Variants in C18orf63 observed in about 807,000 individuals in gnomAD.
C18orf63 encodes the protein chromosome 18 open reading frame 63.
A neutral mutation model predicts 75.3 loss-of-function variants in C18orf63; 50 were observed. That is an observed-to-expected ratio of 0.66 (90% CI 0.53 to 0.84). The LOEUF is 0.84. Ranked by LOEUF, C18orf63 falls within the 40% of genes least tolerant of loss-of-function variation. The pLI is 0.00. For synonymous variants in C18orf63, 232 were observed against 267.6 expected (o/e 0.87, Z 1.30); for missense variants, 732 against 800.2 (o/e 0.91, Z 1.03).
chr18:74,347,746 A>G (rs1337757820), intron 11 of C18orf63, among the ~76,000 whole-genome samples: 3 of 152,258 alleles, frequency 2.0e-5, no homozygotes, highest in Non-Finnish European at 2.9e-5. Context: ...ACTACTTGAT[A>G]AAACTCAGCC....
intron 6 of C18orf63, among the ~76,000 whole-genome samples, chr18:74,329,851 T>C (rs1984274005): frequency 6.6e-6 from 1 of 152,216 alleles, no homozygotes; most frequent in African/African-American, 2.4e-5. Context: ...AGTCCAGAGA[T>C]AGCAGATAGA....
intron 11 of C18orf63, among the ~76,000 whole-genome samples, chr18:74,345,296 C>T (rs114485709): frequency 0.012 from 1,848 of 151,828 alleles, 19 homozygotes; most frequent in South Asian, 0.048. Flanking sequence ...ATCAGTTATA[C>T]ATAATTATCT....
At chr18:74,329,996 G>C (rs1349349294) in intron 6 of C18orf63, among the ~76,000 whole-genome samples, 1 of 152,148 alleles carries the variant, frequency 6.6e-6, no homozygotes, top group Non-Finnish European at 1.5e-5. Context: ...GCTGAAGCCT[G>C]TTTGCTCTCC....
At chr18:74,325,120 T>G (rs1025377534) in intron 4 of C18orf63, among the ~76,000 whole-genome samples, 1 of 152,192 alleles carries the variant, frequency 6.6e-6, no homozygotes, top group African/African-American at 2.4e-5. Flanking sequence ...TTCTAGTTTC[T>G]TATTGTGGAA....
At position 74,353,449 on chromosome 18, in the gene C18orf63, T is replaced by A. The variant is rs1232054922; in HGVS notation, c.1182T>A (p.Gly394=). 6 of 1,536,174 alleles carry A rather than the reference T, an allele frequency of 3.9e-6. No individual in the cohort carries two copies. In the African/African-American group the frequency reaches 8.2e-5, roughly 21 times the overall value. The change falls in exon 12 of 14, where the codon GGT becomes GGA. Residue 394 remains glycine, a synonymous_variant. Transcript: ENST00000579455. ...ATCTCCAGCCAGAGTCTGTTCAGGG[T>A]AGAAAGAAATCCCTGTCTATCAGGG... ...ALHLQPESVQ[G]RKKSLSIRAP... is the part of the protein sequence containing the mutation.
At position 74,333,254 on chromosome 18, in the gene C18orf63, G is replaced by A. The variant is rs189600672; in HGVS notation, c.501+2312G>A. ...GCCTCCCTTGGGAGACCAGGCACTC[G>A]TTCTGATATGACAAACAGAATGCAG... On this transcript the variant is annotated intron_variant, in intron 7 of 13. Transcript: ENST00000579455. 4.5e-3 allele frequency among the ~76,000 whole-genome samples: 679 copies of A among 152,230 alleles called. 2 individuals carry two copies. In the South Asian group the frequency reaches 0.047, roughly 11 times the overall value.
intron 7 of C18orf63, among the ~76,000 whole-genome samples, 166 bp from the exon 8 acceptor site, chr18:74,338,549 C>T (rs1312471459): frequency 1.3e-5 from 2 of 152,078 alleles, no homozygotes; most frequent in Non-Finnish European, 2.9e-5. Context: ...GGGTGAGCTG[C>T]AACTTTGACT....
chr18:74,329,373 CAAAAAAAAAAAA>C (rs5826314), intron 6 of C18orf63, among the ~76,000 whole-genome samples: 2 of 94,314 alleles, frequency 2.1e-5, no homozygotes, highest in Non-Finnish European at 4.4e-5. Flanking sequence ...GACCCTATTT[CAAAAAAAAAAAA>C]AAAAAAAAAA....
intron 4 of C18orf63, among the ~76,000 whole-genome samples, chr18:74,324,137 A>G (rs1984169371): frequency 6.6e-6 from 1 of 152,250 alleles, no homozygotes; most frequent in African/African-American, 2.4e-5. Flanking sequence ...CAGATGCACT[A>G]CAGTAAATGA....
intron 3 of C18orf63, among the ~76,000 whole-genome samples, chr18:74,321,258 G>A (rs1244233209): frequency 6.6e-6 from 1 of 151,784 alleles, no homozygotes; most frequent in Non-Finnish European, 1.5e-5. Flanking sequence ...CTAGGTCTTG[G>A]TTATATGTCC....
intron 6 of C18orf63, among the ~76,000 whole-genome samples, chr18:74,329,373 C>CAAAA (rs5826314): frequency 3.2e-5 from 3 of 94,312 alleles, no homozygotes; most frequent in African/African-American, 1.1e-4. Flanking sequence ...GACCCTATTT[C>CAAAA]AAAAAAAAAA....
At chr18:74,352,578 A>C (rs375783489) in intron 11 of C18orf63, among the ~76,000 whole-genome samples, 1 of 152,172 alleles carries the variant, frequency 6.6e-6, no homozygotes, top group East Asian at 1.9e-4. Context: ...TAAGACACAG[A>C]TAGCGCCTTC....
chr18:74,331,784 C>T (rs936943414), intron 7 of C18orf63, among the ~76,000 whole-genome samples: 1 of 152,158 alleles, frequency 6.6e-6, no homozygotes, highest in Non-Finnish European at 1.5e-5. Flanking sequence ...ATTGGCTATA[C>T]GTGTCCTGCT....
At position 74,353,357 on chromosome 18, in the gene C18orf63, G is replaced by C. The variant is rs1180068878; in HGVS notation, c.1090G>C (p.Val364Leu). Residue 364 changes from valine (V) to leucine (L), a missense_variant, in exon 12 of 14, where the codon GTA becomes CTA. By Grantham distance (32) the Val-to-Leu change is conservative. Coordinates refer to ENST00000579455, the MANE Select transcript of C18orf63 (RefSeq NM_001174123.2). ...TGCTCAAAGTCTTCTACCATGTTCA[G>C]TAGCAGTGGACCACAAGGTGGAGCT... is the stretch of plus-strand genomic sequence containing the variant. ...ACAQSLLPCS[V>L]AVDHKVELSV... The C allele has an allele frequency of 2.0e-6, 3 of 1,536,340 alleles. No individual in the cohort carries two copies. The highest frequency in any genetic ancestry group is 2.0e-5 in the Admixed American group (1 of 50,978).
At chr18:74,341,572 G>A (rs969524952) in intron 8 of C18orf63, among the ~76,000 whole-genome samples, 3 of 151,852 alleles carry the variant, frequency 2.0e-5, no homozygotes, top group Admixed American at 6.6e-5. Context: ...CCCAGCTGGC[G>A]GCTAAGGCAG....
intron 8 of C18orf63, among the ~76,000 whole-genome samples, chr18:74,340,439 A>C (rs1381566460): frequency 6.6e-6 from 1 of 152,232 alleles, no homozygotes; most frequent in Non-Finnish European, 1.5e-5. Flanking sequence ...CATGGAAAAC[A>C]CTATGGAGGT....
chr18:74,347,277 G>C (rs1984590200), intron 11 of C18orf63, among the ~76,000 whole-genome samples: 1 of 152,218 alleles, frequency 6.6e-6, no homozygotes, highest in Non-Finnish European at 1.5e-5. Context: ...AACAATACCT[G>C]TGGAAGGCAG....
intron 11 of C18orf63, among the ~76,000 whole-genome samples, chr18:74,344,379 T>G (rs2145127969): frequency 6.6e-6 from 1 of 151,928 alleles, no homozygotes; most frequent in South Asian, 2.1e-4. Flanking sequence ...TCCTCTGCAT[T>G]TTTAAAATCT....
In C18orf63 at chr18:74,353,901, G is replaced by A; in HGVS notation, c.1634G>A (p.Ser545Asn). The change falls in exon 12 of 14, where the codon AGT becomes AAT. Residue 545 changes from serine (S) to asparagine (N), a missense_variant. By Grantham distance (46) the Ser-to-Asn change is conservative (BLOSUM62 1). Around this residue, in one of 3 missense-constraint regions of C18orf63, gnomAD observed 495 missense variants for 508.7 expected, o/e 0.97. Transcript: ENST00000579455. ...SLNKNKQLSN[S>N]AVFVVSNNNL... ...AACAAAAATAAGCAACTATCTAATA[G>A]TGCAGTATTTGTGGTGTCAAATAAC... The A allele has an allele frequency of 1.3e-6, 2 of 1,535,962 alleles. No individual in the cohort carries two copies. Among genetic ancestry groups the A allele is most frequent in the Non-Finnish European group, 1.7e-6 (2 of 1,146,804 alleles).
Sources: gnomAD v4.1 joint callset for allele counts (sites outside exome capture counted in the v4.1 genomes callset) on GRCh38, gnomAD v4.1.1 for gene constraint, gnomAD v4.1.1 regional missense constraint, MANE v1.5 for transcripts, NCBI Gene and HGNC (gene_info 2026-07-23, HGNC 2026-07-21) for gene names.